The following SPIRE1 variants were observed in gnomAD, a reference collection of about 807,000 sequenced individuals.
The protein encoded by SPIRE1 is protein spire homolog 1.
Under a neutral mutation model 94.1 loss-of-function variants are expected in SPIRE1, and 40 were observed. That is an observed-to-expected ratio of 0.43 (90% CI 0.33 to 0.55). The LOEUF (loss-of-function observed/expected upper bound fraction) is 0.55. Ranked by LOEUF, SPIRE1 falls within the 20% of genes least tolerant of loss-of-function variation. SPIRE1 has a pLI of 0.06. For missense variants in SPIRE1, 838 were observed against 975.2 expected (o/e 0.86, Z 1.87); for synonymous variants, 376 against 371.7 (o/e 1.01, Z -0.13).
chr18:12,612,076 CTCTTT>C (rs1204591402), intron 2 of SPIRE1, among the ~76,000 whole-genome samples: 1 of 152,122 alleles, frequency 6.6e-6, no homozygotes, highest in Non-Finnish European at 1.5e-5. Flanking sequence ...CTCCTCTCTT[CTCTTT>C]GAAACCCACT....
rs146027871 is a variant in SPIRE1 at position 12,657,385 on chromosome 18, G to C, written c.337+145C>G. The C allele has an allele frequency of 6.5e-3, 4,070 of 627,230 alleles. 149 individuals are homozygous for C. In the African/African-American group the frequency reaches 0.071, roughly 11 times the overall value. 38.9% of individuals were successfully genotyped at this position (627,230 alleles called of 1,614,324 possible). On this transcript the variant is annotated intron_variant, in intron 1 of 16. Coordinates refer to ENST00000409402, the MANE Select transcript of SPIRE1 (RefSeq NM_001128626.2). ...ACGGCCTGACGCCGTCCTCCCCTGCGGGTCCCCGCCGGATCCTCCCGGGGG... is the reference window on the plus strand; with the variant it reads ...ACGGCCTGACGCCGTCCTCCCCTGCCGGTCCCCGCCGGATCCTCCCGGGGG...
Position 12,539,311 on chromosome 18 carries a change from A to T in SPIRE1, c.604-3710T>A, listed in dbSNP as rs185178477. On this transcript the variant is annotated intron_variant, in intron 3 of 16. Transcript: ENST00000409402. ...AAGTCTCATGAGATCTGATGGTTTT[A>T]TAAGGAGGAGTTTCCCTGCACAAGC... is the stretch of plus-strand genomic sequence containing the variant. Among the ~76,000 whole-genome samples, 71 of 152,202 alleles carry T rather than the reference A, an allele frequency of 4.7e-4. 1 individual carries two copies. Among genetic ancestry groups the T allele is most frequent in the African/African-American group, 1.6e-3 (67 of 41,538 alleles).
In SPIRE1 at chr18:12,535,613, G is replaced by C; in HGVS notation, c.604-12C>G. ...TGAGCAGCACACAACTATAGAAGGG[G>C]AAAATAAAATAATGGTGCTTGGTTA... On this transcript the variant is annotated splice_polypyrimidine_tract_variant and intron_variant, in intron 3 of 16. Coordinates refer to ENST00000409402, the MANE Select transcript of SPIRE1 (RefSeq NM_001128626.2). 1 of 1,602,610 alleles carries C rather than the reference G, an allele frequency of 6.2e-7. No homozygotes were observed.
At chr18:12,572,626 A>C (rs1378805768) in intron 2 of SPIRE1, among the ~76,000 whole-genome samples, 1 of 152,236 alleles carries the variant, frequency 6.6e-6, no homozygotes, top group Non-Finnish European at 1.5e-5. Context: ...AAACAAAAAA[A>C]ATTGTTAAAA....
intron 14 of SPIRE1, chr18:12,452,723 C>CT (rs774902109): frequency 2.3e-5 from 14 of 618,234 alleles, no homozygotes; most frequent in Non-Finnish European, 4.0e-5. Flanking sequence ...AAAGGATCAA[C>CT]TTACATGTGT....
At chr18:12,465,809 G>C (rs1468778227) in intron 10 of SPIRE1, among the ~76,000 whole-genome samples, 3 of 152,150 alleles carry the variant, frequency 2.0e-5, no homozygotes, top group Non-Finnish European at 4.4e-5. Context: ...TTGTGGGCCA[G>C]GTACGGTGGC....
chr18:12,511,289 G>A (rs562661919), intron 5 of SPIRE1, among the ~76,000 whole-genome samples: 1 of 152,322 alleles, frequency 6.6e-6, no homozygotes, highest in South Asian at 2.1e-4. Flanking sequence ...AATGAGTGGT[G>A]GATGAGCAAG....
intron 4 of SPIRE1, among the ~76,000 whole-genome samples, chr18:12,515,287 T>G (rs1260998593): frequency 6.6e-6 from 1 of 152,032 alleles, no homozygotes; most frequent in African/African-American, 2.4e-5. Flanking sequence ...AGCTGAGGCA[T>G]GAGGACTGCT....
At chr18:12,466,246 C>T (rs564162950) in intron 10 of SPIRE1, among the ~76,000 whole-genome samples, 7 of 152,062 alleles carry the variant, frequency 4.6e-5, no homozygotes, top group African/African-American at 1.7e-4. Flanking sequence ...GCGAGATAAA[C>T]ATTTACTTGT....
chr18:12,565,488 C>T (rs943667000), intron 2 of SPIRE1, among the ~76,000 whole-genome samples: 1 of 151,990 alleles, frequency 6.6e-6, no homozygotes, highest in African/African-American at 2.4e-5. Context: ...GATTCTTCTG[C>T]CTTAGCCTCC....
chr18:12,487,472 A>G (rs1598922312), intron 8 of SPIRE1, among the ~76,000 whole-genome samples: 1 of 149,582 alleles, frequency 6.7e-6, no homozygotes, highest in African/African-American at 2.5e-5. Flanking sequence ...GCAGTGGTGC[A>G]ATCTCGGCTC....
intron 2 of SPIRE1, among the ~76,000 whole-genome samples, chr18:12,609,879 G>A (rs932017830): frequency 2.6e-5 from 4 of 151,350 alleles, no homozygotes; most frequent in Non-Finnish European, 5.9e-5. Context: ...CAGAAGTAAC[G>A]GTTCCCTAGA....
At position 12,549,150 on chromosome 18, in the gene SPIRE1, C is replaced by T. The variant is rs576841408; in HGVS notation, c.373-2246G>A. 3.9e-5 allele frequency among the ~76,000 whole-genome samples: 6 copies of T among 152,244 alleles called. No individual in the cohort carries two copies. In the South Asian group the frequency reaches 6.2e-4, roughly 16 times the overall value. Reference sequence around the variant, plus strand: ...GGGCAAGGATTTTAACTTTCAAAGACGGCAGAGCCTAACACTGTGGTGTGC... The same window carrying T: ...GGGCAAGGATTTTAACTTTCAAAGATGGCAGAGCCTAACACTGTGGTGTGC... On this transcript the variant is annotated intron_variant, in intron 2 of 16. Coordinates refer to ENST00000409402, the MANE Select transcript of SPIRE1 (RefSeq NM_001128626.2).
At chr18:12,661,491 G>A (rs1435909826), upstream of SPIRE1, 2 of 344,094 alleles carry the variant, frequency 5.8e-6, no homozygotes, top group African/African-American at 4.5e-5. Flanking sequence ...AAGATTTGAG[G>A]CCAGGCGCAG....
intron 2 of SPIRE1, among the ~76,000 whole-genome samples, chr18:12,552,998 A>G (rs1424021357): frequency 6.6e-6 from 1 of 152,192 alleles, no homozygotes; most frequent in Non-Finnish European, 1.5e-5. Flanking sequence ...TGCCTTGAAC[A>G]GAAGGAACCA....
At chr18:12,550,830 T>G (rs746711488) in intron 2 of SPIRE1, among the ~76,000 whole-genome samples, 1 of 152,228 alleles carries the variant, frequency 6.6e-6, no homozygotes, top group African/African-American at 2.4e-5. Flanking sequence ...CCAACACAAG[T>G]GACTCACTTC....
chr18:12,618,718 C>T (rs1005037725), intron 2 of SPIRE1, among the ~76,000 whole-genome samples: 20 of 152,046 alleles, frequency 1.3e-4, no homozygotes, highest in Non-Finnish European at 1.0e-4. Flanking sequence ...TAAACACACA[C>T]AAAAAAATAT....
rs771336917 is a variant in SPIRE1, at chr18:12,453,088, A to G, written c.1827T>C (p.Tyr609=). The G allele has an allele frequency of 2.1e-5, 33 of 1,606,968 alleles. No homozygotes were observed. In the East Asian group the frequency reaches 5.8e-4, roughly 28 times the overall value. Residue 609 remains tyrosine (Y), a synonymous_variant, in exon 14 of 17, where the codon TAT becomes TAC. Coordinates refer to ENST00000409402, the MANE Select transcript of SPIRE1 (RefSeq NM_001128626.2). ...CTTACCTCTTACAGAACTGACAGGT[A>G]TAAGACCAAGTGAAGAAGGAAAACC... The part of the protein sequence containing the change: ...TRRFSFFTWS[Y]TCQFCKRPVC...
At chr18:12,623,350 T>TCA (rs1033843009) in intron 2 of SPIRE1, among the ~76,000 whole-genome samples, 55 of 152,154 alleles carry the variant, frequency 3.6e-4, no homozygotes, top group African/African-American at 1.2e-3. Flanking sequence ...AGACAGGGTT[T>TCA]CACTGTGTTA....
Sources: gnomAD v4.1 joint callset for allele counts (sites outside exome capture counted in the v4.1 genomes callset) on GRCh38, gnomAD v4.1.1 for gene constraint, MANE v1.5 for transcripts, NCBI Gene and HGNC (gene_info 2026-07-23, HGNC 2026-07-21) for gene names.